IKZF2: variants seen among roughly 807,000 people sequenced by gnomAD.
The protein encoded by IKZF2 is zinc finger protein Helios.
Under a neutral mutation model 49.2 loss-of-function variants are expected in IKZF2, and 15 were observed. The ratio of observed to expected loss-of-function variants is 0.30; its 90% confidence interval spans 0.20 to 0.47. IKZF2 has a LOEUF of 0.47. IKZF2 is among the 20% of genes least tolerant of loss of function. The probability of loss-of-function intolerance (pLI) is 1.00; values close to 1 mark genes in which losing one functional copy is unlikely to be tolerated. For missense variants in IKZF2, 567 were observed against 664.6 expected (o/e 0.85, Z 1.61); for synonymous variants, 227 against 221.4 (o/e 1.03, Z -0.23).
Position 213,150,130 on chromosome 2 carries a change from C to G in IKZF2, c.-16+14G>C, listed in dbSNP as rs13017247. 2.8e-5 allele frequency: 36 copies of G among 1,281,416 alleles called. No individual in the cohort carries two copies. Among genetic ancestry groups the G allele is most frequent in the Non-Finnish European group, 3.4e-5 (33 of 968,850 alleles). 79.4% of individuals were successfully genotyped at this position (1,281,416 alleles called of 1,614,324 possible). A position where few individuals can be genotyped will look rare whatever the true frequency, so the allele number is the denominator to read the frequency against. ...GAAAAAGAAAAAGGAGAAAGAGAAA[C>G]GAAATGTACATACAAAAGAAATTGT... is the stretch of plus-strand genomic sequence containing the variant. On this transcript the variant is annotated intron_variant, in intron 2 of 8. Transcript: ENST00000434687.
At chr2:213,118,703 T>C (rs1402608694) in intron 4 of IKZF2, among the ~76,000 whole-genome samples, 5 of 151,828 alleles carry the variant, frequency 3.3e-5, no homozygotes, top group Non-Finnish European at 2.9e-5. Flanking sequence ...ACAAAGTCAG[T>C]CATCAGTGCT....
intron 4 of IKZF2, among the ~76,000 whole-genome samples, chr2:213,112,158 T>A (rs2059723896): frequency 6.6e-6 from 1 of 152,014 alleles, no homozygotes; most frequent in African/African-American, 2.4e-5. Flanking sequence ...TTTTCAGTCC[T>A]ACTCCATAGG....
At chr2:213,074,164 T>C (rs1463835080) in intron 4 of IKZF2, among the ~76,000 whole-genome samples, 2 of 152,178 alleles carry the variant, frequency 1.3e-5, no homozygotes, top group Non-Finnish European at 2.9e-5. Context: ...CATATAAAAC[T>C]AAGTCAAGGA....
At chr2:213,029,002 A>T (rs903568496) in intron 6 of IKZF2, among the ~76,000 whole-genome samples, 3 of 152,130 alleles carry the variant, frequency 2.0e-5, no homozygotes, top group Non-Finnish European at 4.4e-5. Context: ...AACCAACTTT[A>T]AATTCCTAAG....
chr2:213,108,039 G>A (rs894358278), intron 4 of IKZF2, among the ~76,000 whole-genome samples: 1 of 152,090 alleles, frequency 6.6e-6, no homozygotes, highest in Non-Finnish European at 1.5e-5. Flanking sequence ...GGAGAATGGG[G>A]TCAATGTAAA....
intron 4 of IKZF2, among the ~76,000 whole-genome samples, chr2:213,138,948 A>G (rs2060774395): frequency 6.6e-6 from 1 of 152,126 alleles, no homozygotes; most frequent in African/African-American, 2.4e-5. Context: ...TCTAAAATAG[A>G]TATTAAGAAC....
At chr2:213,126,094 C>T (rs986000083) in intron 4 of IKZF2, among the ~76,000 whole-genome samples, 1 of 152,116 alleles carries the variant, frequency 6.6e-6, no homozygotes, top group African/African-American at 2.4e-5. Context: ...TACCTAGAAT[C>T]TCTATTTAGA....
chr2:213,013,600 T>A (rs1164944348), intron 8 of IKZF2, among the ~76,000 whole-genome samples, 191 bp downstream of exon 8: 1 of 152,028 alleles, frequency 6.6e-6, no homozygotes, highest in Non-Finnish European at 1.5e-5. Context: ...TTATCTCTCA[T>A]ATGTATTTGT....
intron 4 of IKZF2, among the ~76,000 whole-genome samples, chr2:213,083,586 G>A (rs1301261227): frequency 8.5e-5 from 11 of 128,854 alleles, no homozygotes; most frequent in African/African-American, 2.9e-4. Context: ...ATTTTTAGTA[G>A]AGATGGAGTT....
intron 4 of IKZF2, among the ~76,000 whole-genome samples, chr2:213,112,629 A>G (rs1295515797): frequency 5.3e-5 from 8 of 152,020 alleles, no homozygotes; most frequent in Non-Finnish European, 1.2e-4. Flanking sequence ...GCCCAGCTCA[A>G]TATTCCATAT....
intron 7 of IKZF2, 29 bp from the exon 8 acceptor site, chr2:213,013,963 T>A (rs1386515988): frequency 9.4e-6 from 15 of 1,603,332 alleles, no homozygotes; most frequent in Non-Finnish European, 1.2e-5. Flanking sequence ...AAATGCAATC[T>A]GATAATTTCT....
intron 4 of IKZF2, among the ~76,000 whole-genome samples, chr2:213,121,726 T>A (rs1384548632): frequency 6.6e-6 from 1 of 152,220 alleles, no homozygotes; most frequent in East Asian, 1.9e-4. Flanking sequence ...AGCATTGGTT[T>A]AAAATGGCCA....
chr2:213,106,190 T>C (rs941905579), intron 4 of IKZF2, among the ~76,000 whole-genome samples: 2 of 152,100 alleles, frequency 1.3e-5, no homozygotes, highest in Non-Finnish European at 2.9e-5. Flanking sequence ...TCCAAATAAT[T>C]AGTATTTACA....
intron 7 of IKZF2, among the ~76,000 whole-genome samples, chr2:213,018,517 C>T (rs1696854211): frequency 1.3e-5 from 2 of 152,076 alleles, no homozygotes; most frequent in South Asian, 4.1e-4. Context: ...AGTCTCTCCT[C>T]ACACCATACC....
intron 6 of IKZF2, among the ~76,000 whole-genome samples, chr2:213,033,759 T>G (rs1294795812): frequency 6.6e-6 from 1 of 152,224 alleles, no homozygotes; most frequent in African/African-American, 2.4e-5. Flanking sequence ...TATAGCATAA[T>G]TCTTAAGGAC....
At chr2:213,013,406 T>TTA (rs1696194360) in intron 8 of IKZF2, among the ~76,000 whole-genome samples, 1 of 149,078 alleles carries the variant, frequency 6.7e-6, no homozygotes, top group Admixed American at 6.7e-5. Flanking sequence ...GTTAATAGGT[T>TTA]AAAAAAAAAA....
At chr2:213,061,232 T>C (rs548214789) in intron 4 of IKZF2, among the ~76,000 whole-genome samples, 21 of 151,616 alleles carry the variant, frequency 1.4e-4, no homozygotes, top group Non-Finnish European at 3.0e-4. Flanking sequence ...GGCTTCACAA[T>C]AGTCATTGCT....
rs374270435 is a variant in IKZF2, at chr2:213,066,625, AT to A, written c.140-9527del. Among the ~76,000 whole-genome samples the A allele has an allele frequency of 8.5e-4, 129 of 152,202 alleles. 1 individual carries two copies. Among genetic ancestry groups the A allele is most frequent in the African/African-American group, 2.9e-3 (122 of 41,556 alleles). On this transcript the variant is annotated intron_variant, in intron 4 of 8. Coordinates refer to ENST00000434687, the MANE Select transcript of IKZF2 (RefSeq NM_001387220.1). ...AGTGAGAAAGAGAAAACTTGTGGTG[AT>A]TAAGGGGAATTAAAGCAATTTTTGA...
In IKZF2 at chr2:213,004,230, A is replaced by G. The variant is rs1448647130; in HGVS notation, c.*3130T>C. 6.6e-6 allele frequency: 1 copy of G among 151,852 alleles called. No homozygotes were observed. The highest frequency in any genetic ancestry group is 2.1e-4 in the South Asian group (1 of 4,832). 9.4% of individuals were successfully genotyped at this position (151,852 alleles called of 1,614,324 possible). ...TTGCCTGTATGTATGTAGGGGAGATACTTTCTACTACGTAGCCAAATCTAA... is the reference window on the plus strand; with the variant it reads ...TTGCCTGTATGTATGTAGGGGAGATGCTTTCTACTACGTAGCCAAATCTAA... On this transcript the variant is annotated 3_prime_UTR_variant, in exon 9 of 9. Coordinates refer to ENST00000434687, the MANE Select transcript of IKZF2 (RefSeq NM_001387220.1).
Sources: gnomAD v4.1 joint callset for allele counts (sites outside exome capture counted in the v4.1 genomes callset) on GRCh38, gnomAD v4.1.1 for gene constraint, MANE v1.5 for transcripts, NCBI Gene and HGNC (gene_info 2026-07-23, HGNC 2026-07-21) for gene names.